The following CFAP20DC variants were observed in gnomAD, a reference collection of about 807,000 sequenced individuals.
CFAP20DC encodes the protein CFAP20 domain containing.
CFAP20DC carries 84 observed loss-of-function variants against 101.7 expected under a neutral mutation model. That is an observed-to-expected ratio of 0.83 (90% CI 0.69 to 0.99). The LOEUF (loss-of-function observed/expected upper bound fraction) is 0.99. Among genes scored for constraint, CFAP20DC ranks in the 50% least tolerant of loss-of-function variants. The pLI is 0.00. For missense variants in CFAP20DC, 1,007 were observed against 970.3 expected, an observed-to-expected ratio of 1.04 and a Z score of -0.50; for synonymous variants, 359 against 351.2, an observed-to-expected ratio of 1.02 and a Z score of -0.25.
intron 11 of CFAP20DC, among the ~76,000 whole-genome samples, chr3:58,865,547 G>A (rs1268681433): frequency 6.6e-6 from 1 of 152,142 alleles, no homozygotes. Flanking sequence ...ATATGGTCCT[G>A]AGTCACTGTA....
chr3:58,734,070 G>A (rs1047095630), intron 3 of CFAP20DC, among the ~76,000 whole-genome samples: 2 of 152,170 alleles, frequency 1.3e-5, no homozygotes, highest in African/African-American at 4.8e-5. Context: ...TCTCATGATA[G>A]TGAGTGAATT....
At chr3:58,996,277 A>C (rs1021458880) in intron 4 of CFAP20DC, among the ~76,000 whole-genome samples, 4 of 152,160 alleles carry the variant, frequency 2.6e-5, no homozygotes, top group Non-Finnish European at 5.9e-5. Context: ...TATGGTAGCA[A>C]AAGAGAATGA....
chr3:58,842,519 C>A (rs977212407), intron 13 of CFAP20DC, among the ~76,000 whole-genome samples: 1 of 152,096 alleles, frequency 6.6e-6, no homozygotes, highest in Non-Finnish European at 1.5e-5. Flanking sequence ...GTCCTACGCC[C>A]ACGGAATCTC....
At chr3:58,812,273 CT>C (rs1559628357) in intron 14 of CFAP20DC, among the ~76,000 whole-genome samples, 1 of 152,024 alleles carries the variant, frequency 6.6e-6, no homozygotes, top group East Asian at 1.9e-4. Context: ...TATTGCGGCT[CT>C]ATTCACAATA....
chr3:58,916,476 A>T (rs1270344908), intron 5 of CFAP20DC, among the ~76,000 whole-genome samples: 1 of 152,120 alleles, frequency 6.6e-6, no homozygotes, highest in East Asian at 1.9e-4. Context: ...TGCTTCATGG[A>T]ATGTACTAAA....
At chr3:59,039,366 G>C (rs934508825) in intron 4 of CFAP20DC, among the ~76,000 whole-genome samples, 191 bp downstream of exon 4, 1 of 151,798 alleles carries the variant, frequency 6.6e-6, no homozygotes. Flanking sequence ...TCTTTTCCTA[G>C]GGAAATGCCA....
At chr3:58,938,254 A>T (rs1040125517) in intron 4 of CFAP20DC, among the ~76,000 whole-genome samples, 1 of 152,236 alleles carries the variant, frequency 6.6e-6, no homozygotes, top group Non-Finnish European at 1.5e-5. Flanking sequence ...TCCTAAGCAC[A>T]TATCTTCCAA....
chr3:58,934,738 A>C (rs1205584061), intron 5 of CFAP20DC, among the ~76,000 whole-genome samples: 2 of 152,114 alleles, frequency 1.3e-5, no homozygotes, highest in African/African-American at 4.8e-5. Flanking sequence ...CATGCTAAAA[A>C]CTCTCAATAA....
intron 4 of CFAP20DC, among the ~76,000 whole-genome samples, chr3:58,938,265 C>A (rs1172778219): frequency 1.3e-5 from 2 of 152,174 alleles, no homozygotes; most frequent in African/African-American, 4.8e-5. Flanking sequence ...TATCTTCCAA[C>A]CAGAATTATA....
Position 59,014,690 on chromosome 3 carries a change from T to C in CFAP20DC, c.278+24867A>G, listed in dbSNP as rs762839671. ...TGATGTTTGAAGTGAGAGTAATTTATTTACTAACGGCTAACCCTCAATTAT... is the reference window on the plus strand; with the variant it reads ...TGATGTTTGAAGTGAGAGTAATTTACTTACTAACGGCTAACCCTCAATTAT... On this transcript the variant is annotated intron_variant, in intron 4 of 16. Transcript: ENST00000482387. The surrounding 1 kb of genome is among the most constrained non-coding windows in gnomAD (Gnocchi z 4.9). Among the ~76,000 whole-genome samples the C allele has an allele frequency of 6.6e-6, 1 of 152,160 alleles. No individual in the cohort carries two copies. The highest frequency in any genetic ancestry group is 2.4e-5 in the African/African-American group (1 of 41,448).
chr3:58,823,785 C>A (rs1046070126), intron 14 of CFAP20DC, among the ~76,000 whole-genome samples: 1 of 152,006 alleles, frequency 6.6e-6, no homozygotes, highest in African/African-American at 2.4e-5. Context: ...AAAAAAGTGA[C>A]CCTGAAGAAA....
At chr3:58,893,447 T>G (rs948439839) in intron 6 of CFAP20DC, among the ~76,000 whole-genome samples, 8 of 152,214 alleles carry the variant, frequency 5.3e-5, no homozygotes, top group Non-Finnish European at 1.0e-4. Context: ...ATTTATTGAT[T>G]TGTGTATGTT....
Position 58,870,302 on chromosome 3 carries a change from G to A in CFAP20DC, c.723C>T (p.Phe241=), listed in dbSNP as rs2080044473. 3.7e-6 allele frequency: 6 copies of A among 1,613,368 alleles called. No homozygotes were observed. In the East Asian group the frequency reaches 1.3e-4, roughly 36 times the overall value. Reference sequence around the variant, plus strand: ...GTGTAATACTTGTTCCTCTGTTAATGAACTGATCTGTTTTGTTAAAGGAAG... The same window carrying A: ...GTGTAATACTTGTTCCTCTGTTAATAAACTGATCTGTTTTGTTAAAGGAAG... ...HPLRSAESDQ[F]INRGTSITRN... Residue 241 remains phenylalanine, a synonymous_variant, in exon 8 of 17, where the codon TTC becomes TTT. Coordinates refer to ENST00000482387, the MANE Select transcript of CFAP20DC (RefSeq NM_001394063.1).
At position 58,974,252 on chromosome 3, in the gene CFAP20DC, G is replaced by A. The variant is rs138482360; in HGVS notation, c.279-36490C>T. 4.7e-3 allele frequency among the ~76,000 whole-genome samples: 714 copies of A among 152,078 alleles called. 3 individuals are homozygous for A. Among genetic ancestry groups the A allele is most frequent in the African/African-American group, 0.016 (684 of 41,480 alleles). ...AACATGTAGTTTTTCAACCCTCGCC[G>A]TCCTCCCACCTTCCCCCTACTAGTA... On this transcript the variant is annotated intron_variant, in intron 4 of 16. Coordinates refer to ENST00000482387, the MANE Select transcript of CFAP20DC (RefSeq NM_001394063.1).
chr3:58,992,147 C>A (rs1341727442), intron 4 of CFAP20DC, among the ~76,000 whole-genome samples: 2 of 152,138 alleles, frequency 1.3e-5, no homozygotes, highest in Non-Finnish European at 2.9e-5. Context: ...TCTCAGCCAG[C>A]AAATGGTAAA....
intron 4 of CFAP20DC, among the ~76,000 whole-genome samples, chr3:59,010,374 T>A (rs1236640617): frequency 2.0e-5 from 3 of 152,020 alleles, no homozygotes; most frequent in African/African-American, 7.2e-5. Context: ...AGATATTCCA[T>A]GTAAATGGAA....
At chr3:58,771,219 G>GGAGGGGAACATCACACACTGGGGCCTGTT (rs2070811779) in intron 15 of CFAP20DC, among the ~76,000 whole-genome samples, 1 of 151,890 alleles carries the variant, frequency 6.6e-6, no homozygotes, top group Non-Finnish European at 1.5e-5. Context: ...ATGGACACAG[G>GGAGGGGAACATCACACACTGGGGCCTGTT]GAGGGGAACA....
chr3:58,921,533 T>TAACATTATCCAATTA (rs2085370765), intron 5 of CFAP20DC, among the ~76,000 whole-genome samples: 1 of 152,186 alleles, frequency 6.6e-6, no homozygotes, highest in African/African-American at 2.4e-5. Flanking sequence ...TATTTCAAAG[T>TAACATTATCCAATTA]GCTTGGGGAT....
In CFAP20DC at chr3:59,014,197, T is replaced by C. The variant is rs529025704; in HGVS notation, c.278+25360A>G. On this transcript the variant is annotated intron_variant, in intron 4 of 16. Coordinates refer to ENST00000482387, the MANE Select transcript of CFAP20DC (RefSeq NM_001394063.1). This position sits in a 1 kb window ranked among gnomAD's most constrained non-coding sequence, Gnocchi z 4.9. ...GTGATGGATGGCCTTGAAGAATTTCTTGTTCACTGACCAGATCAATCACAT... is the reference window on the plus strand; with the variant it reads ...GTGATGGATGGCCTTGAAGAATTTCCTGTTCACTGACCAGATCAATCACAT... Among the ~76,000 whole-genome samples, 6 of 152,288 alleles carry C rather than the reference T, an allele frequency of 3.9e-5. No individual in the cohort carries two copies. The South Asian group carries it at 6.2e-4, about 16-fold the overall frequency.
Sources: allele counts gnomAD v4.1 joint callset (sites outside exome capture counted in the v4.1 genomes callset), GRCh38; gene constraint gnomAD v4.1.1; non-coding constraint Gnocchi (gnomAD v3.1); transcripts MANE v1.5; gene names NCBI Gene and HGNC (gene_info 2026-07-23, HGNC 2026-07-21).